The following STXBP5L variants were observed in gnomAD, a reference collection of about 807,000 sequenced individuals.
STXBP5L encodes syntaxin-binding protein 5-like.
A neutral mutation model predicts 144.5 loss-of-function variants in STXBP5L; 65 were observed. The ratio of observed to expected loss-of-function variants is 0.45; its 90% CI spans 0.37 to 0.55. The LOEUF (loss-of-function observed/expected upper bound fraction) is 0.55, where lower values mean the gene tolerates loss of function less well. Among genes scored for constraint, STXBP5L ranks in the 20% least tolerant of loss-of-function variants. The pLI is 0.00. For synonymous variants in STXBP5L, 505 were observed against 469.6 expected, an observed-to-expected ratio of 1.08 and a Z score of -0.97; for missense variants, 1,298 against 1,405.5, an observed-to-expected ratio of 0.92 and a Z score of 1.22.
chr3:121,033,721 T>A (rs1946547563), intron 3 of STXBP5L, among the ~76,000 whole-genome samples: 1 of 151,960 alleles, frequency 6.6e-6, no homozygotes, highest in Non-Finnish European at 1.5e-5. Flanking sequence ...TATATTCTTA[T>A]AAGTAAGAAC....
intron 9 of STXBP5L, among the ~76,000 whole-genome samples, chr3:121,164,594 T>G (rs924308968): frequency 6.6e-6 from 1 of 152,190 alleles, no homozygotes; most frequent in African/African-American, 2.4e-5. Flanking sequence ...TGCACTCCCA[T>G]GTTCATGACA....
At chr3:121,074,759 G>C (rs7616617) in intron 5 of STXBP5L, among the ~76,000 whole-genome samples, 1 of 152,050 alleles carries the variant, frequency 6.6e-6, no homozygotes, top group Non-Finnish European at 1.5e-5. Context: ...GTTTAGAGTC[G>C]TGCCCCCTTA....
intron 20 of STXBP5L, among the ~76,000 whole-genome samples, chr3:121,326,016 G>A (rs1255117377): frequency 2.6e-5 from 4 of 151,168 alleles, no homozygotes; most frequent in Non-Finnish European, 5.9e-5. Flanking sequence ...AAAAAAAGTG[G>A]GTTGAAAAAC....
intron 3 of STXBP5L, among the ~76,000 whole-genome samples, chr3:121,034,380 G>C (rs988153364): frequency 6.6e-6 from 1 of 152,060 alleles, no homozygotes; most frequent in Non-Finnish European, 1.5e-5. Context: ...AAGTGAGACT[G>C]TAATATTTCA....
At chr3:121,060,907 T>G (rs2041242110) in intron 5 of STXBP5L, among the ~76,000 whole-genome samples, 2 of 152,190 alleles carry the variant, frequency 1.3e-5, no homozygotes, top group Admixed American at 6.5e-5. Flanking sequence ...TTTGTTGATC[T>G]TTTCAAAAAA....
At chr3:121,199,057 C>T (rs549476449) in intron 9 of STXBP5L, among the ~76,000 whole-genome samples, 2 of 152,242 alleles carry the variant, frequency 1.3e-5, no homozygotes, top group South Asian at 4.1e-4. Context: ...TTCATTGAAT[C>T]TATAAGTTAC....
chr3:121,132,431 G>C (rs1206440129), intron 7 of STXBP5L, among the ~76,000 whole-genome samples: 1 of 152,192 alleles, frequency 6.6e-6, no homozygotes, highest in Non-Finnish European at 1.5e-5. Flanking sequence ...TCAGCACAGA[G>C]TGAGAAGATA....
chr3:121,067,962 C>A (rs1237935479), intron 5 of STXBP5L, among the ~76,000 whole-genome samples: 2 of 152,310 alleles, frequency 1.3e-5, no homozygotes, highest in Admixed American at 1.3e-4. Flanking sequence ...TCAATGTCTT[C>A]ATAGTCATTT....
intron 3 of STXBP5L, among the ~76,000 whole-genome samples, chr3:120,958,692 C>A (rs1301609081): frequency 3.3e-5 from 5 of 152,174 alleles, no homozygotes; most frequent in East Asian, 1.9e-4. Flanking sequence ...AGGCCTTTGA[C>A]AAAATTCAAC....
At chr3:121,107,201 C>T (rs2043754512) in intron 5 of STXBP5L, among the ~76,000 whole-genome samples, 1 of 151,822 alleles carries the variant, frequency 6.6e-6, no homozygotes, top group South Asian at 2.1e-4. Context: ...TTTTGCTGGG[C>T]AGAAGCTCTT....
intron 3 of STXBP5L, among the ~76,000 whole-genome samples, chr3:121,000,784 T>C (rs1369745091): frequency 2.0e-5 from 3 of 152,164 alleles, no homozygotes; most frequent in Non-Finnish European, 2.9e-5. Flanking sequence ...TGGATGGGGC[T>C]TTTTCTTTTT....
At chr3:121,405,575 A>G (rs887512396) in intron 22 of STXBP5L, among the ~76,000 whole-genome samples, 15 of 152,120 alleles carry the variant, frequency 9.9e-5, no homozygotes, top group African/African-American at 3.4e-4. Flanking sequence ...CTAGCCAGTG[A>G]GTTCTTCTTT....
Position 120,987,640 on chromosome 3 carries a change from G to A in STXBP5L, c.287+32603G>A, listed in dbSNP as rs148891453. Among the ~76,000 whole-genome samples, 1,246 of 151,782 alleles carry A rather than the reference G, an allele frequency of 8.2e-3. 22 individuals carry two copies. Among genetic ancestry groups the A allele is most frequent in the African/African-American group, 0.028 (1,165 of 41,468 alleles). ...ATCAGTTTTTTAAAAAATAGATTGTGCTCGTGGTTTCACCTCTTAGAATTC... is the reference window on the plus strand; with the variant it reads ...ATCAGTTTTTTAAAAAATAGATTGTACTCGTGGTTTCACCTCTTAGAATTC... On this transcript the variant is annotated intron_variant, in intron 3 of 26. Coordinates refer to ENST00000471454, the MANE Select transcript of STXBP5L (RefSeq NM_001308330.2).
At chr3:121,320,202 G>T (rs1029881038) in intron 20 of STXBP5L, among the ~76,000 whole-genome samples, 1 of 151,712 alleles carries the variant, frequency 6.6e-6, no homozygotes, top group Admixed American at 6.6e-5. Flanking sequence ...ATATTTTTGG[G>T]TTTTTTTGTA....
chr3:121,395,663 C>T (rs1244834775), intron 22 of STXBP5L, among the ~76,000 whole-genome samples: 2 of 152,040 alleles, frequency 1.3e-5, no homozygotes, highest in South Asian at 2.1e-4. Flanking sequence ...GATAAATATG[C>T]CCAATAAGTA....
chr3:121,158,082 T>C (rs2046183761), intron 9 of STXBP5L: 1 of 152,758 alleles, frequency 6.5e-6, no homozygotes, highest in Non-Finnish European at 1.5e-5. Flanking sequence ...ATGAAGACTG[T>C]GGTTTTAATT....
intron 3 of STXBP5L, among the ~76,000 whole-genome samples, chr3:120,974,658 G>A (rs1290724734): frequency 6.6e-6 from 1 of 152,188 alleles, no homozygotes; most frequent in African/African-American, 2.4e-5. Flanking sequence ...TTTTCTTCTA[G>A]GGTTTTTATG....
intron 19 of STXBP5L, among the ~76,000 whole-genome samples, chr3:121,288,917 T>A (rs1462040268): frequency 6.6e-6 from 1 of 152,102 alleles, no homozygotes; most frequent in Non-Finnish European, 1.5e-5. Flanking sequence ...CTTTGTCAGG[T>A]CCTATGTCAC....
intron 10 of STXBP5L, among the ~76,000 whole-genome samples, chr3:121,208,363 T>G: frequency 6.6e-6 from 1 of 150,748 alleles, no homozygotes; most frequent in East Asian, 2.0e-4. Flanking sequence ...AGGATAGTAT[T>G]AGGAGATATA....
Sources: allele counts gnomAD v4.1 joint callset (sites outside exome capture counted in the v4.1 genomes callset), GRCh38; gene constraint gnomAD v4.1.1; transcripts MANE v1.5; gene names NCBI Gene and HGNC (gene_info 2026-07-23, HGNC 2026-07-21).